ST6GAL1: variants seen among roughly 807,000 people sequenced by gnomAD.
The protein encoded by ST6GAL1 is ST6 beta-galactoside alpha-2,6-sialyltransferase 1.
Under a neutral mutation model 38.0 loss-of-function variants are expected in ST6GAL1, and 20 were observed. The observed-to-expected ratio is 0.53, with a 90% CI of 0.37 to 0.77. The LOEUF is 0.77. Among genes scored for constraint, ST6GAL1 ranks in the 30% least tolerant of loss-of-function variants. ST6GAL1 has a pLI of 0.00. For synonymous variants in ST6GAL1, 196 were observed against 188.2 expected (o/e 1.04, Z -0.34); for missense variants, 432 against 496.4 (o/e 0.87, Z 1.23).
At chr3:187,031,412 A>T (rs577499078) in intron 2 of ST6GAL1, among the ~76,000 whole-genome samples, 3 of 151,504 alleles carry the variant, frequency 2.0e-5, no homozygotes, top group Middle Eastern at 3.2e-3. Context: ...AGGGATGGTG[A>T]CTGTTGTAAT....
In ST6GAL1 at chr3:186,930,526, G is replaced by C. The variant is rs1362549032; in HGVS notation, c.-633G>C. 6.5e-6 allele frequency: 1 copy of C among 152,834 alleles called. No individual in the cohort carries two copies. Among genetic ancestry groups the C allele is most frequent in the African/African-American group, 2.4e-5 (1 of 41,476 alleles). The allele number at this position is 152,834 out of a possible 1,614,324, so 9.5% of individuals were successfully genotyped here. A position where few individuals can be genotyped will look rare whatever the true frequency, so the allele number is the denominator to read the frequency against. ...CGCTTCCTTCCCGCCCCTCCGCCGC[G>C]CTCTTCTTCCTTCCTTCTCCAGTCC... On this transcript the variant is annotated 5_prime_UTR_variant, in exon 1 of 8. Transcript: ENST00000169298.
intron 2 of ST6GAL1, among the ~76,000 whole-genome samples, chr3:186,993,504 G>A (rs1324338164): frequency 1.3e-5 from 2 of 152,162 alleles, no homozygotes; most frequent in African/African-American, 4.8e-5. Context: ...CTACCCCTTG[G>A]CATCACGGGG....
chr3:187,068,221 C>T (rs1344697210), intron 5 of ST6GAL1, among the ~76,000 whole-genome samples: 2 of 151,808 alleles, frequency 1.3e-5, no homozygotes, highest in Admixed American at 1.3e-4. Context: ...ACATGTCTGT[C>T]GTACCAGCTA....
Position 187,077,309 on chromosome 3 carries a change from G to A in ST6GAL1, c.*1506G>A, listed in dbSNP as rs755209959. On this transcript the variant is annotated 3_prime_UTR_variant, in exon 8 of 8. Coordinates refer to ENST00000169298, the MANE Select transcript of ST6GAL1 (RefSeq NM_173216.2). ...TGATAGGGAATCCTGCTGGACCAGC[G>A]CAGCCCTGGTGTGGAGAGGTTAAAA... is the stretch of plus-strand genomic sequence containing the variant. 2.7e-5 allele frequency: 6 copies of A among 224,510 alleles called. No individual in the cohort carries two copies. The highest frequency in any genetic ancestry group is 5.1e-5 in the Non-Finnish European group (6 of 116,944). 13.9% of individuals were successfully genotyped at this position (224,510 alleles called of 1,614,324 possible).
intron 1 of ST6GAL1, among the ~76,000 whole-genome samples, chr3:186,935,353 G>A (rs1713912098): frequency 6.7e-6 from 1 of 150,348 alleles, no homozygotes; most frequent in South Asian, 2.1e-4. Context: ...CTTTTTTATG[G>A]CTGCATAGTA....
intron 2 of ST6GAL1, among the ~76,000 whole-genome samples, chr3:187,013,439 G>A (rs1029784733): frequency 2.0e-5 from 3 of 152,152 alleles, no homozygotes; most frequent in Admixed American, 6.5e-5. Flanking sequence ...TCACATCTGT[G>A]CCCTGGTTTC....
chr3:187,016,056 G>C (rs1717105677), intron 2 of ST6GAL1, among the ~76,000 whole-genome samples: 2 of 152,200 alleles, frequency 1.3e-5, no homozygotes, highest in Admixed American at 1.3e-4. Flanking sequence ...CACAGTGCCT[G>C]GCACGTGGGA....
chr3:186,939,423 T>C (rs1217021708), intron 1 of ST6GAL1, among the ~76,000 whole-genome samples: 3 of 152,132 alleles, frequency 2.0e-5, no homozygotes, highest in African/African-American at 4.8e-5. Context: ...GAGGCCTTGC[T>C]GTGTCACAAA....
intron 1 of ST6GAL1, among the ~76,000 whole-genome samples, chr3:186,934,616 C>T (rs953020332): frequency 5.3e-5 from 8 of 152,016 alleles, no homozygotes; most frequent in South Asian, 4.2e-4. Flanking sequence ...GCTGCCTCTG[C>T]GTTGTGTAAA....
At chr3:187,030,784 A>C (rs994632085) in intron 2 of ST6GAL1, among the ~76,000 whole-genome samples, 1 of 152,176 alleles carries the variant, frequency 6.6e-6, no homozygotes, top group African/African-American at 2.4e-5. Context: ...TAACTTTAAT[A>C]TATTTCTAAG....
At chr3:187,051,386 CCA>C in intron 5 of ST6GAL1, 40 bp downstream of exon 5, 3 of 1,574,188 alleles carry the variant, frequency 1.9e-6, no homozygotes, top group South Asian at 2.2e-5. Context: ...AAGAGAAGGA[CCA>C]CAGTGTGGGC....
chr3:186,970,999 C>T (rs1715328784), intron 2 of ST6GAL1, among the ~76,000 whole-genome samples: 1 of 152,228 alleles, frequency 6.6e-6, no homozygotes, highest in Non-Finnish European at 1.5e-5. Context: ...CCTAGAGGGG[C>T]TGTATCACTT....
intron 2 of ST6GAL1, among the ~76,000 whole-genome samples, chr3:186,970,376 G>A (rs940475660): frequency 1.7e-4 from 26 of 149,556 alleles, no homozygotes; most frequent in Admixed American, 1.3e-3. Flanking sequence ...CACCACGCCC[G>A]GCAAATTTTT....
At chr3:187,066,094 G>A (rs1719110005) in intron 5 of ST6GAL1, among the ~76,000 whole-genome samples, 1 of 152,134 alleles carries the variant, frequency 6.6e-6, no homozygotes, top group African/African-American at 2.4e-5. Context: ...TGGGAGGTGG[G>A]CGAGATTTCC....
At chr3:187,008,367 AAAAGG>A (rs139517643) in intron 2 of ST6GAL1, among the ~76,000 whole-genome samples, 11,206 of 151,884 alleles carry the variant, frequency 0.074, 467 homozygotes, top group Middle Eastern at 0.13. Context: ...GAAAAAAGAG[AAAAGG>A]AAAGGAAGGA....
chr3:186,996,466 T>A (rs2108549486), intron 2 of ST6GAL1: 1 of 152,214 alleles, frequency 6.6e-6, no homozygotes, highest in South Asian at 2.1e-4. Flanking sequence ...TGGCTAAAAA[T>A]AGGAACAGCA....
At chr3:187,002,023 C>T (rs1361588522) in intron 2 of ST6GAL1, among the ~76,000 whole-genome samples, 1 of 149,888 alleles carries the variant, frequency 6.7e-6, no homozygotes, top group African/African-American at 2.5e-5. Context: ...TCTACTCTAC[C>T]AAAGAGAGAG....
At chr3:186,988,356 T>C (rs746532203) in intron 2 of ST6GAL1, among the ~76,000 whole-genome samples, 1 of 151,940 alleles carries the variant, frequency 6.6e-6, no homozygotes, top group Non-Finnish European at 1.5e-5. Context: ...GATTAACACA[T>C]AAAGGGCTTG....
intron 1 of ST6GAL1, among the ~76,000 whole-genome samples, chr3:186,957,028 G>A (rs1312566119): frequency 1.3e-5 from 2 of 152,214 alleles, no homozygotes; most frequent in African/African-American, 4.8e-5. Flanking sequence ...CAACAAAGAG[G>A]AGTTTCAGAG....
Sources: allele counts gnomAD v4.1 joint callset (sites outside exome capture counted in the v4.1 genomes callset), GRCh38; gene constraint gnomAD v4.1.1; transcripts MANE v1.5; gene names NCBI Gene and HGNC (gene_info 2026-07-23, HGNC 2026-07-21).